Variants in GPAT4 observed in about 807,000 individuals in gnomAD.
GPAT4 encodes glycerol-3-phosphate acyltransferase 4, also known as 1-AGP acyltransferase 6.
In GPAT4, 17 loss-of-function variants were observed where a neutral mutation model predicts 58.0. That is an observed-to-expected ratio of 0.29 (90% confidence interval 0.20 to 0.44). GPAT4 has a LOEUF of 0.44. Ranked by LOEUF, GPAT4 falls within the 20% of genes least tolerant of loss-of-function variation. The pLI is 1.00. For synonymous variants in GPAT4, 204 were observed against 210.1 expected, an observed-to-expected ratio of 0.97 and a Z score of 0.25; for missense variants, 377 against 574.5, an observed-to-expected ratio of 0.66 and a Z score of 3.51.
chr8:41,604,442 CAGA>C (rs1408866824), intron 2 of GPAT4, among the ~76,000 whole-genome samples: 3 of 152,192 alleles, frequency 2.0e-5, no homozygotes, highest in Non-Finnish European at 4.4e-5. Context: ...TGCTGAGTCA[CAGA>C]AGATCTTTGT....
intron 1 of GPAT4, among the ~76,000 whole-genome samples, chr8:41,589,366 GGGA>G (rs1802733490): frequency 4.3e-5 from 2 of 46,830 alleles, no homozygotes; most frequent in Admixed American, 1.9e-4. Context: ...GTGGCGGGAT[GGGA>G]TGGGGTGGGA....
At chr8:41,595,699 T>C (rs1802911606) in intron 1 of GPAT4, among the ~76,000 whole-genome samples, 1 of 151,904 alleles carries the variant, frequency 6.6e-6, no homozygotes, top group African/African-American at 2.4e-5. Context: ...ATCTCTTTCT[T>C]TCTCTCTTTA....
chr8:41,609,985 G>A (rs1233898903), intron 4 of GPAT4, 30 bp downstream of exon 4: 8 of 1,566,580 alleles, frequency 5.1e-6, no homozygotes, highest in South Asian at 3.6e-5. Flanking sequence ...AGTGGGGCTC[G>A]CTGCTGCCAC....
intron 2 of GPAT4, among the ~76,000 whole-genome samples, chr8:41,600,036 C>CTTTTTT (rs758905649): frequency 0.17 from 17,076 of 99,012 alleles, 2,009 homozygotes; most frequent in East Asian, 0.22. Context: ...TTTTTCTTTT[C>CTTTTTT]TTTTTTTTTT....
At chr8:41,604,990 A>G (rs1030060319) in intron 2 of GPAT4, among the ~76,000 whole-genome samples, 2 of 152,222 alleles carry the variant, frequency 1.3e-5, no homozygotes, top group African/African-American at 2.4e-5. Flanking sequence ...TGATTTTAAC[A>G]TAGCCTTGAG....
At chr8:41,583,237 A>G (rs1802569782) in intron 1 of GPAT4, among the ~76,000 whole-genome samples, 1 of 151,674 alleles carries the variant, frequency 6.6e-6, no homozygotes, top group African/African-American at 2.4e-5. Flanking sequence ...AAAAAATAAT[A>G]TATATATATG....
intron 8 of GPAT4, among the ~76,000 whole-genome samples, chr8:41,614,027 C>T (rs1329732586): frequency 6.6e-6 from 1 of 152,250 alleles, no homozygotes; most frequent in Non-Finnish European, 1.5e-5. Context: ...GCCAGCAGGG[C>T]TGGGCCCAGC....
chr8:41,583,525 T>C (rs1471647061), intron 1 of GPAT4, among the ~76,000 whole-genome samples: 1 of 152,204 alleles, frequency 6.6e-6, no homozygotes, highest in African/African-American at 2.4e-5. Context: ...ACCTAGTTTA[T>C]CCAGAATATT....
chr8:41,602,001 C>T (rs1055153380), intron 2 of GPAT4, among the ~76,000 whole-genome samples: 1 of 152,210 alleles, frequency 6.6e-6, no homozygotes, highest in Non-Finnish European at 1.5e-5. Context: ...TTTGCCCAGG[C>T]TGGAGTGCAG....
At chr8:41,619,186 G>C in intron 12 of GPAT4, 1 of 616,288 alleles carries the variant, frequency 1.6e-6, no homozygotes, top group Non-Finnish European at 2.8e-6. Flanking sequence ...GACTGAGGCA[G>C]TTGATTCTGT....
At chr8:41,590,569 G>C (rs373463870) in intron 1 of GPAT4, among the ~76,000 whole-genome samples, 1 of 152,154 alleles carries the variant, frequency 6.6e-6, no homozygotes, top group Non-Finnish European at 1.5e-5. Context: ...TGACTCCACC[G>C]TACAGCCATC....
Position 41,604,655 on chromosome 8 carries a change from T to G in GPAT4, c.166-4761T>G, listed in dbSNP as rs139927912. On this transcript the variant is annotated intron_variant, in intron 2 of 12. Coordinates refer to ENST00000396987, the MANE Select transcript of GPAT4 (RefSeq NM_178819.4). ...AGGAGAAAGATGAGAACAAATGATG[T>G]GAAAGGAGTTGATCAGGTCACGTTA... 7.9e-5 allele frequency among the ~76,000 whole-genome samples: 12 copies of G among 152,244 alleles called. No homozygotes were observed. In the East Asian group the frequency reaches 2.3e-3, roughly 29 times the overall value.
At chr8:41,614,462 A>T in intron 9 of GPAT4, 21 bp downstream of exon 9, 8 of 1,613,360 alleles carry the variant, frequency 5.0e-6, no homozygotes, top group Admixed American at 1.7e-5. Context: ...GTTGGTTGCC[A>T]CGAAGGGCTT....
chr8:41,606,718 A>T (rs986623873), intron 2 of GPAT4, among the ~76,000 whole-genome samples: 5 of 152,204 alleles, frequency 3.3e-5, no homozygotes, highest in African/African-American at 1.2e-4. Context: ...TATGGCGGTA[A>T]ATCAGGTGGC....
At chr8:41,613,318 A>G (rs944899043) in intron 8 of GPAT4, among the ~76,000 whole-genome samples, 53 of 152,134 alleles carry the variant, frequency 3.5e-4, no homozygotes, top group Non-Finnish European at 4.6e-4. Flanking sequence ...CCAGGGTGAC[A>G]GAGGTTGCAG....
chr8:41,620,818 T>C (rs1803726291), intron 12 of GPAT4, 75 bp from the exon 13 acceptor site: 1 of 1,534,372 alleles, frequency 6.5e-7, no homozygotes, highest in African/African-American at 1.4e-5. Context: ...TTGGGCAGCA[T>C]GGTGCATCTC....
At chr8:41,586,804 C>T in intron 1 of GPAT4, among the ~76,000 whole-genome samples, 1 of 152,334 alleles carries the variant, frequency 6.6e-6, no homozygotes, top group Admixed American at 6.5e-5. Flanking sequence ...GTTGTCTTCT[C>T]AGTTTCAGTT....
chr8:41,599,849 G>C (rs1042127950), intron 2 of GPAT4, among the ~76,000 whole-genome samples: 1 of 152,158 alleles, frequency 6.6e-6, no homozygotes, highest in Non-Finnish European at 1.5e-5. Flanking sequence ...AAATAGGTGA[G>C]AAGTGATGTT....
At chr8:41,617,125 G>T (rs1248364367) in intron 10 of GPAT4, among the ~76,000 whole-genome samples, 2 of 152,200 alleles carry the variant, frequency 1.3e-5, no homozygotes, top group East Asian at 1.9e-4. Flanking sequence ...ACTTTGGGAG[G>T]CTGAGGCCGG....
Sources: gnomAD v4.1 joint callset for allele counts (sites outside exome capture counted in the v4.1 genomes callset) on GRCh38, gnomAD v4.1.1 for gene constraint, MANE v1.5 for transcripts, NCBI Gene and HGNC (gene_info 2026-07-23, HGNC 2026-07-21) for gene names.